Variants in NLRP2 observed in about 807,000 individuals in gnomAD.
NLRP2 encodes the protein NLR family pyrin domain containing 2, also known as NACHT, LRR and PYD domains-containing protein 2.
Under a neutral mutation model 97.2 loss-of-function variants are expected in NLRP2, and 107 were observed. The observed-to-expected ratio is 1.10, with a 90% CI of 0.94 to 1.29. The LOEUF (loss-of-function observed/expected upper bound fraction) is 1.29. Among genes scored for constraint, NLRP2 ranks in the 50% most tolerant of loss-of-function variants. The pLI is 0.00. For synonymous variants in NLRP2, 663 were observed against 551.5 expected, an observed-to-expected ratio of 1.20 and a Z score of -2.83; for missense variants, 1,495 against 1,330.3, an observed-to-expected ratio of 1.12 and a Z score of -1.93.
intron 1 of NLRP2, among the ~76,000 whole-genome samples, chr19:54,967,536 G>C (rs953938168): frequency 3.9e-5 from 6 of 152,068 alleles, no homozygotes; most frequent in Non-Finnish European, 1.5e-5. Flanking sequence ...AGTAGCAGAT[G>C]CTTAGATCTA....
In NLRP2 at chr19:54,997,301, T is replaced by A. The variant is rs1442703839; in HGVS notation, c.2880-16T>A. 1 of 1,612,780 alleles carries A rather than the reference T, an allele frequency of 6.2e-7. No homozygotes were observed. The highest frequency in any genetic ancestry group is 8.5e-7 in the Non-Finnish European group (1 of 1,179,924). On this transcript the variant is annotated splice_polypyrimidine_tract_variant and intron_variant, in intron 11 of 12. Transcript: ENST00000448584. ...GCACTGGCTGCATTAACGTGTTGAT[T>A]TCTGTGTTTCCCCAGGTTGTGGGGA...
At chr19:54,975,106 G>GTTGTTTTTTTTTTTTTTTTTT in intron 3 of NLRP2, among the ~76,000 whole-genome samples, 1 of 58,706 alleles carries the variant, frequency 1.7e-5, no homozygotes, top group East Asian at 5.0e-4. Flanking sequence ...ACCCGGTTTT[G>GTTGTTTTTTTTTTTTTTTTTT]TTTTTTTTTT....
chr19:54,974,450 TCTTGAG>T, intron 2 of NLRP2, 44 bp from the exon 3 acceptor site: 4 of 1,380,630 alleles, frequency 2.9e-6, no homozygotes, highest in Non-Finnish European at 4.1e-6. Context: ...GGCAATAAAA[TCTTGAG>T]CTTATGGTAA....
intron 10 of NLRP2, chr19:54,991,359 T>A (rs2072463654): frequency 6.6e-6 from 1 of 152,332 alleles, no homozygotes; most frequent in South Asian, 2.1e-4. Context: ...AAGACCAGCC[T>A]GCCCAACATG....
intron 4 of NLRP2, among the ~76,000 whole-genome samples, chr19:54,980,930 C>T (rs1007044038): frequency 1.3e-5 from 2 of 152,050 alleles, no homozygotes; most frequent in Admixed American, 1.3e-4. Context: ...GCCAACATGG[C>T]GAAACCCCAT....
At chr19:54,966,318 C>T (rs968329214), upstream of NLRP2, 2 of 151,616 alleles carry the variant, frequency 1.3e-5, no homozygotes, top group African/African-American at 4.8e-5. Context: ...CAAAAGACCT[C>T]TCAGTAATTC....
chr19:54,997,612 C>T, intron 12 of NLRP2, 125 bp downstream of exon 12: 1 of 997,078 alleles, frequency 1.0e-6, no homozygotes, highest in South Asian at 1.3e-5. Flanking sequence ...GCCATCACAC[C>T]CAGCCAATTT....
intron 3 of NLRP2, among the ~76,000 whole-genome samples, chr19:54,977,487 T>TTGTG (rs61515967): frequency 0.13 from 19,545 of 147,364 alleles, 1,598 homozygotes; most frequent in Non-Finnish European, 0.19. Context: ...CGTGAGTAGT[T>TTGTG]TGTGTGTGTG....
intron 12 of NLRP2, among the ~76,000 whole-genome samples, chr19:54,998,660 A>G (rs1217410038): frequency 3.5e-4 from 12 of 34,384 alleles, no homozygotes; most frequent in African/African-American, 5.3e-4. Context: ...TTTATTGATC[A>G]TTCTTGGGTG....
chr19:54,977,985 G>C (rs2071354123), intron 4 of NLRP2, among the ~76,000 whole-genome samples, 162 bp downstream of exon 4: 1 of 152,124 alleles, frequency 6.6e-6, no homozygotes, highest in Non-Finnish European at 1.5e-5. Flanking sequence ...CCTTCCGTAA[G>C]AATAGAGGGA....
intron 12 of NLRP2, among the ~76,000 whole-genome samples, chr19:54,998,199 A>C (rs1317139083): frequency 6.6e-6 from 1 of 151,162 alleles, no homozygotes; most frequent in East Asian, 1.9e-4. Context: ...TTGTATTTTT[A>C]GTAGAGACAG....
At chr19:54,981,389 A>C (rs886900435) in intron 4 of NLRP2, among the ~76,000 whole-genome samples, 3 of 151,400 alleles carry the variant, frequency 2.0e-5, no homozygotes, top group African/African-American at 7.3e-5. Flanking sequence ...CTGGTCTCGA[A>C]CTCCTGAGCT....
Position 54,969,477 on chromosome 19 carries a change from C to G in NLRP2, c.-17-522C>G, listed in dbSNP as rs1303185021. The stretch of plus-strand genomic sequence containing the variant: ...AGGGTGACAAAGTGAGACTCCGTCT[C>G]AAAAAAAAAAAAAAAAAAAATACAA... On this transcript the variant is annotated intron_variant, in intron 1 of 12. Transcript: ENST00000448584. 8.5e-5 allele frequency among the ~76,000 whole-genome samples: 8 copies of G among 94,618 alleles called. No homozygotes were observed. The South Asian group carries it at 2.8e-3, about 33-fold the overall frequency. 62.1% of individuals were successfully genotyped at this position (94,618 alleles called of 152,430 possible).
intron 9 of NLRP2, 73 bp downstream of exon 9, chr19:54,990,265 A>T (rs1266960409): frequency 6.7e-7 from 1 of 1,498,614 alleles, no homozygotes; most frequent in Non-Finnish European, 9.3e-7. Context: ...GTCATGCCTG[A>T]CTTGGCTGTA....
chr19:55,000,656 G>T, intron 12 of NLRP2, 104 bp from the exon 13 acceptor site: 1 of 1,119,054 alleles, frequency 8.9e-7, no homozygotes, highest in Non-Finnish European at 1.3e-6. Flanking sequence ...CAGGAAAGGT[G>T]ACCCATGCCC....
chr19:54,982,692 C>G lies in NLRP2; in HGVS notation c.994C>G (p.Leu332Val), dbSNP rs767499946. Reference sequence around the variant, plus strand: ...CAGGGTGATGTTACCCAAGGCCGCCCTGCTGGTCACCACGCGGCCCAGGGC... The same window carrying G: ...CAGGGTGATGTTACCCAAGGCCGCCGTGCTGGTCACCACGCGGCCCAGGGC... ...LNRVMLPKAA[L>V]LVTTRPRALR... The change falls in exon 6 of 13, where the codon CTG becomes GTG. Residue 332 changes from leucine to valine, a missense_variant. By Grantham distance (32) the Leu-to-Val change is conservative. Transcript: ENST00000448584. 1 of 1,613,966 alleles carries G rather than the reference C, an allele frequency of 6.2e-7. No individual in the cohort carries two copies. The highest frequency in any genetic ancestry group is 8.5e-7 in the Non-Finnish European group (1 of 1,179,996).
intron 10 of NLRP2, chr19:54,990,943 G>C (rs2072436863): frequency 4.0e-6 from 2 of 502,324 alleles, no homozygotes; most frequent in South Asian, 2.1e-5. Context: ...TTAGAGATGG[G>C]ATCTCGCCGT....
At chr19:54,965,550 G>T (rs2070335387), upstream of NLRP2, among the ~76,000 whole-genome samples, 2 of 88,294 alleles carry the variant, frequency 2.3e-5, no homozygotes, top group Non-Finnish European at 4.7e-5. Flanking sequence ...CCGCCTCCCG[G>T]GTTCACGCCA....
chr19:54,972,828 A>C (rs1229006941), intron 2 of NLRP2, among the ~76,000 whole-genome samples: 1 of 152,034 alleles, frequency 6.6e-6, no homozygotes, highest in Non-Finnish European at 1.5e-5. Flanking sequence ...TGAATAAAAA[A>C]TGTGCCCGTT....
Sources: gnomAD v4.1 joint callset for allele counts (sites outside exome capture counted in the v4.1 genomes callset) on GRCh38, gnomAD v4.1.1 for gene constraint, MANE v1.5 for transcripts, NCBI Gene and HGNC (gene_info 2026-07-23, HGNC 2026-07-21) for gene names.